Variants in PHF14 observed in about 807,000 individuals in gnomAD.
PHF14 encodes PHD finger protein 14.
Under a neutral mutation model 117.9 loss-of-function variants are expected in PHF14, and 55 were observed. That is an observed-to-expected ratio of 0.47 (90% confidence interval 0.38 to 0.58). PHF14 has a LOEUF of 0.58. Among genes scored for constraint, PHF14 ranks in the 20% least tolerant of loss-of-function variants. PHF14 has a pLI of 0.00. For missense variants in PHF14, 978 were observed against 1,122.2 expected, an observed-to-expected ratio of 0.87 and a Z score of 1.84; for synonymous variants, 409 against 368.6, an observed-to-expected ratio of 1.11 and a Z score of -1.26.
chr7:11,113,314 C>T (rs1230653791), intron 17 of PHF14, among the ~76,000 whole-genome samples: 46 of 152,026 alleles, frequency 3.0e-4, no homozygotes, highest in Non-Finnish European at 7.4e-5. Flanking sequence ...TTGTACATGC[C>T]ATAGGTGCCA....
At chr7:11,008,798 G>C (rs1025778401) in intron 4 of PHF14, among the ~76,000 whole-genome samples, 1 of 152,088 alleles carries the variant, frequency 6.6e-6, no homozygotes, top group Non-Finnish European at 1.5e-5. Flanking sequence ...CACTTTGGGA[G>C]GCTGAGGTGG....
chr7:11,091,899 G>A (rs1170095740), intron 16 of PHF14, among the ~76,000 whole-genome samples: 2 of 152,140 alleles, frequency 1.3e-5, no homozygotes, highest in African/African-American at 4.8e-5. Flanking sequence ...GCGTCTTTCA[G>A]TGGATATTGA....
chr7:11,141,616 G>T (rs1788400253), intron 17 of PHF14, among the ~76,000 whole-genome samples: 1 of 151,998 alleles, frequency 6.6e-6, no homozygotes, highest in South Asian at 2.1e-4. Context: ...GTTGCATCAG[G>T]AGTATAATTT....
At chr7:10,975,152 G>T (rs1380459148) in intron 2 of PHF14, among the ~76,000 whole-genome samples, 2 of 152,206 alleles carry the variant, frequency 1.3e-5, no homozygotes, top group African/African-American at 4.8e-5. Flanking sequence ...ATAATTAGCA[G>T]TCAGGGGAAG....
intron 16 of PHF14, among the ~76,000 whole-genome samples, chr7:11,067,150 G>A (rs963657808): frequency 1.3e-5 from 2 of 152,060 alleles, no homozygotes; most frequent in Non-Finnish European, 2.9e-5. Flanking sequence ...ATGGGCATAG[G>A]ACTTGAAAAT....
chr7:11,167,209 C>G (rs1457842034), intron 17 of PHF14, among the ~76,000 whole-genome samples: 1 of 152,130 alleles, frequency 6.6e-6, no homozygotes, highest in African/African-American at 2.4e-5. Flanking sequence ...ACCGGGAAGT[C>G]ATACGGTGGA....
chr7:10,984,998 A>G (rs1204350531), intron 3 of PHF14, among the ~76,000 whole-genome samples: 1 of 152,170 alleles, frequency 6.6e-6, no homozygotes, highest in East Asian at 1.9e-4. Flanking sequence ...AATTCTCCTT[A>G]AAAGCTTGAG....
At chr7:10,991,435 C>G (rs1309564428) in intron 4 of PHF14, among the ~76,000 whole-genome samples, 4 of 152,056 alleles carry the variant, frequency 2.6e-5, no homozygotes, top group African/African-American at 9.7e-5. Context: ...CTTGGCCACC[C>G]AAGGTGTTGG....
intron 16 of PHF14, among the ~76,000 whole-genome samples, chr7:11,073,810 C>G (rs1665159939): frequency 6.6e-6 from 1 of 152,188 alleles, no homozygotes. Context: ...AAGATTTTTT[C>G]ACTCTCGCAT....
intron 14 of PHF14, among the ~76,000 whole-genome samples, chr7:11,057,484 C>T (rs569215150): frequency 2.9e-4 from 44 of 152,224 alleles, no homozygotes; most frequent in African/African-American, 1.0e-3. Flanking sequence ...GAGCGATTCT[C>T]ATGCCTCAGC....
intron 16 of PHF14, among the ~76,000 whole-genome samples, chr7:11,083,464 ATTTTTT>A (rs776573456): frequency 2.0e-4 from 23 of 112,310 alleles, no homozygotes; most frequent in African/African-American, 7.7e-4. Context: ...TGCTTTCCCT[ATTTTTT>A]TTTTTTTTTT....
At chr7:11,111,737 G>A (rs1422543824) in intron 17 of PHF14, among the ~76,000 whole-genome samples, 1 of 151,888 alleles carries the variant, frequency 6.6e-6, no homozygotes, top group East Asian at 1.9e-4. Context: ...TGCTCCGAAA[G>A]CCCAAACAGA....
intron 13 of PHF14, among the ~76,000 whole-genome samples, chr7:11,049,764 G>A (rs1165323220): frequency 6.6e-6 from 1 of 152,138 alleles, no homozygotes; most frequent in African/African-American, 2.4e-5. Context: ...TGTAAGGTGT[G>A]TATTTTCTTT....
intron 17 of PHF14, among the ~76,000 whole-genome samples, chr7:11,145,630 AATTAT>A (rs1256247403): frequency 6.6e-6 from 1 of 151,998 alleles, no homozygotes; most frequent in African/African-American, 2.4e-5. Flanking sequence ...TTTATTTAAA[AATTAT>A]ATTAATATAC....
chr7:11,111,592 C>T, intron 17 of PHF14, 125 bp downstream of exon 17: 1 of 501,530 alleles, frequency 2.0e-6, no homozygotes, highest in East Asian at 3.3e-5. Flanking sequence ...ACCAGTACAC[C>T]TTAAGAATAT....
chr7:11,104,685 A>G (rs1787199155), intron 16 of PHF14: 9 of 932,118 alleles, frequency 9.7e-6, no homozygotes, highest in Non-Finnish European at 9.0e-6. Context: ...TTGGAATCAC[A>G]GGAAGGATTT....
At chr7:11,153,192 G>A (rs1327707226) in intron 17 of PHF14, among the ~76,000 whole-genome samples, 4 of 152,142 alleles carry the variant, frequency 2.6e-5, no homozygotes. Flanking sequence ...TAATCCACAG[G>A]CAAGAAACAT....
chr7:11,021,992 C>T (rs1452151987), intron 5 of PHF14, among the ~76,000 whole-genome samples: 2 of 151,806 alleles, frequency 1.3e-5, no homozygotes, highest in African/African-American at 2.4e-5. Flanking sequence ...CTGCTGTGAC[C>T]CTCTTTCTTA....
chr7:11,022,876 A>C lies in PHF14; in HGVS notation c.1214A>C (p.His405Pro). ...FKETDAGRWV[H>P]IVCALYVPGV... ...ATATCTTCTCTTCTTAGATGGGTTCATATTGTTTGTGCCCTGTATGTTCCT... is the reference window on the plus strand; with the variant it reads ...ATATCTTCTCTTCTTAGATGGGTTCCTATTGTTTGTGCCCTGTATGTTCCT... The change falls in exon 6 of 18, where the codon CAT becomes CCT. Residue 405 changes from histidine (H) to proline (P), a missense_variant. Physicochemically the swap from His to Pro is moderately conservative, Grantham distance 77 (BLOSUM62 -2). Transcript: ENST00000634607. 6.3e-7 allele frequency: 1 copy of C among 1,588,354 alleles called. No homozygotes were observed.
Sources: allele counts gnomAD v4.1 joint callset (sites outside exome capture counted in the v4.1 genomes callset), GRCh38; gene constraint gnomAD v4.1.1; transcripts MANE v1.5; gene names NCBI Gene and HGNC (gene_info 2026-07-23, HGNC 2026-07-21).